Variants in CHD9NB observed in about 807,000 individuals in gnomAD.
CHD9NB encodes CHD9 neighbor protein.
chr16:53,042,966 C>A, the CHD9NB span: 3 of 152,218 alleles, frequency 2.0e-5, no homozygotes, highest in East Asian at 5.8e-4. Flanking sequence ...CAGCATGGCG[C>A]CTGGCACAAA....
At chr16:53,041,707 C>T in the CHD9NB span, among the ~76,000 whole-genome samples, 9 of 151,988 alleles carry the variant, frequency 5.9e-5, no homozygotes, top group African/African-American at 2.2e-4. Flanking sequence ...GCAAGCAGCT[C>T]TCACCATGCA....
chr16:53,038,675 AC>A, the CHD9NB span, among the ~76,000 whole-genome samples: 3,917 of 151,216 alleles, frequency 0.026, 88 homozygotes, highest in Non-Finnish European at 0.038. Context: ...TAACCATCAC[AC>A]CCCCCCTGCA....
the CHD9NB span, among the ~76,000 whole-genome samples, chr16:53,044,608 C>T: frequency 6.6e-6 from 1 of 152,176 alleles, no homozygotes; most frequent in African/African-American, 2.4e-5. Flanking sequence ...ACCCTTTAAC[C>T]TAGAATGCCA....
the CHD9NB span, among the ~76,000 whole-genome samples, chr16:53,040,024 A>G: frequency 1.3e-5 from 2 of 152,124 alleles, no homozygotes; most frequent in African/African-American, 4.8e-5. Flanking sequence ...CCATCAAGAT[A>G]AACTCTCAAG....
the CHD9NB span, among the ~76,000 whole-genome samples, chr16:53,041,865 C>G: frequency 9.9e-5 from 15 of 152,196 alleles, no homozygotes; most frequent in African/African-American, 3.6e-4. Context: ...TTCCTGATCC[C>G]CAGCTGCAAG....
chr16:53,045,201 G>A, the CHD9NB span, among the ~76,000 whole-genome samples: 5 of 152,258 alleles, frequency 3.3e-5, no homozygotes, highest in Non-Finnish European at 2.9e-5. Flanking sequence ...GGGTTCAAGC[G>A]ATCTGCCTGT....
chr16:53,039,872 C>A, the CHD9NB span, among the ~76,000 whole-genome samples: 1 of 152,024 alleles, frequency 6.6e-6, no homozygotes. Flanking sequence ...TCAGCCCCAC[C>A]CAATCATGTA....
At chr16:53,051,818 A>C in the CHD9NB span, among the ~76,000 whole-genome samples, 1 of 121,646 alleles carries the variant, frequency 8.2e-6, no homozygotes, top group African/African-American at 3.5e-5. Context: ...TATAATGAGT[A>C]CCTTGCCTAT....
the CHD9NB span, among the ~76,000 whole-genome samples, chr16:53,051,763 GTATAAATATATATATATATA>G: frequency 3.4e-3 from 300 of 87,174 alleles, 5 homozygotes; most frequent in African/African-American, 0.018. Context: ...CAACTTAAAA[GTATAAATATATATATATATA>G]TATATATATA....
At chr16:53,044,083 C>T in the CHD9NB span, 1 of 398,764 alleles carries the variant, frequency 2.5e-6, no homozygotes, top group East Asian at 3.6e-5. Context: ...AGACCTGGCT[C>T]TCTTCCCTCG....
At chr16:53,038,059 G>T in the CHD9NB span, among the ~76,000 whole-genome samples, 1 of 152,182 alleles carries the variant, frequency 6.6e-6, no homozygotes, top group Non-Finnish European at 1.5e-5. Flanking sequence ...AACCAGAGAG[G>T]CCACTGGTCT....
At chr16:53,049,976 G>C in the CHD9NB span, among the ~76,000 whole-genome samples, 1 of 152,162 alleles carries the variant, frequency 6.6e-6, no homozygotes, top group Admixed American at 6.5e-5. Flanking sequence ...GGCCGAGGTG[G>C]GCGGATCACT....
the CHD9NB span, among the ~76,000 whole-genome samples, chr16:53,041,552 G>A: frequency 6.6e-6 from 1 of 152,074 alleles, no homozygotes; most frequent in Non-Finnish European, 1.5e-5. Context: ...TCTGAACTTC[G>A]AAGGACCTAA....
chr16:53,040,587 A>G, the CHD9NB span, among the ~76,000 whole-genome samples: 1 of 152,122 alleles, frequency 6.6e-6, no homozygotes, highest in Non-Finnish European at 1.5e-5. Flanking sequence ...ATCTCCCTGG[A>G]CCACCCTGTT....
chr16:53,043,975 G>T, the CHD9NB span: 1 of 398,784 alleles, frequency 2.5e-6, no homozygotes, highest in South Asian at 1.3e-4. Flanking sequence ...AAGGAGGTGA[G>T]GGTCCGACTC....
the CHD9NB span, among the ~76,000 whole-genome samples, chr16:53,048,577 C>T: frequency 6.6e-6 from 1 of 152,228 alleles, no homozygotes; most frequent in South Asian, 2.1e-4. Context: ...CTCACTTACT[C>T]ATTCAAACAA....
chr16:53,043,832 C>T, the CHD9NB span: 2 of 395,770 alleles, frequency 5.1e-6, no homozygotes, highest in African/African-American at 4.1e-5. Context: ...CCCCACCTCT[C>T]CAATGAGCAA....
the CHD9NB span, among the ~76,000 whole-genome samples, chr16:53,037,404 AT>A: frequency 6.6e-6 from 1 of 151,992 alleles, no homozygotes; most frequent in Non-Finnish European, 1.5e-5. Context: ...GTTAACAAGG[AT>A]TTTTTTTCCT....
At chr16:53,038,885 GA>G in the CHD9NB span, among the ~76,000 whole-genome samples, 1 of 152,158 alleles carries the variant, frequency 6.6e-6, no homozygotes, top group South Asian at 2.1e-4. Context: ...ATTGCATTTG[GA>G]ACAATGCTCA....
Sources: allele counts gnomAD v4.1 joint callset (sites outside exome capture counted in the v4.1 genomes callset), GRCh38; gene constraint gnomAD v4.1.1; transcripts MANE v1.5; gene names NCBI Gene and HGNC (gene_info 2026-07-23, HGNC 2026-07-21).